IDO2: variants seen among roughly 807,000 people sequenced by gnomAD.
IDO2 encodes indoleamine 2,3-dioxygenase-like 1 protein.
A neutral mutation model predicts 45.1 loss-of-function variants in IDO2; 46 were observed. The ratio of observed to expected loss-of-function variants is 1.02; its 90% CI spans 0.80 to 1.30. IDO2 has a LOEUF of 1.30. Ranked by LOEUF, IDO2 falls within the 50% of genes most tolerant of loss-of-function variation. The pLI, the probability that IDO2 is intolerant of heterozygous loss-of-function variation, is 0.00. For synonymous variants in IDO2, 218 were observed against 184.9 expected, an observed-to-expected ratio of 1.18 and a Z score of -1.45; for missense variants, 544 against 491.8, an observed-to-expected ratio of 1.11 and a Z score of -1.00.
intron 2 of IDO2, among the ~76,000 whole-genome samples, chr8:39,957,351 C>T (rs1406771403): frequency 6.6e-6 from 1 of 152,092 alleles, no homozygotes; most frequent in African/African-American, 2.4e-5. Context: ...GTAGTTCACA[C>T]CTATAATTCC....
intron 1 of IDO2, among the ~76,000 whole-genome samples, chr8:39,946,807 A>G (rs183924897): frequency 1.3e-5 from 2 of 151,960 alleles, no homozygotes; most frequent in African/African-American, 4.8e-5. Context: ...TTACAGTAGT[A>G]CCCACTTCAT....
chr8:39,963,752 C>T (rs1249108750), intron 3 of IDO2, 49 bp downstream of exon 3: 2 of 1,114,184 alleles, frequency 1.8e-6, no homozygotes, highest in South Asian at 1.4e-5. Flanking sequence ...ATCATCATAC[C>T]ACTTTTCTTT....
intron 2 of IDO2, among the ~76,000 whole-genome samples, chr8:39,956,591 T>C (rs1208184020): frequency 6.6e-6 from 1 of 152,184 alleles, no homozygotes; most frequent in Non-Finnish European, 1.5e-5. Flanking sequence ...ATTAGCAAAA[T>C]TTATTCATAG....
intron 2 of IDO2, among the ~76,000 whole-genome samples, chr8:39,951,026 T>TCAAAACAAAACAAAACAAAA (rs71237202): frequency 0.016 from 2,346 of 147,568 alleles, 25 homozygotes; most frequent in Admixed American, 0.022. Flanking sequence ...GAAACTCGTC[T>TCAAAACAAAACAAAACAAAA]CAAAACAAAA....
intron 8 of IDO2, among the ~76,000 whole-genome samples, chr8:40,003,676 A>C (rs1004852568): frequency 2.0e-5 from 3 of 152,150 alleles, no homozygotes; most frequent in African/African-American, 7.2e-5. Flanking sequence ...ATATTGTTTG[A>C]GTAGCATGCT....
chr8:39,936,822 A>G (rs1807559657), intron 1 of IDO2, among the ~76,000 whole-genome samples: 1 of 152,214 alleles, frequency 6.6e-6, no homozygotes, highest in South Asian at 2.1e-4. Flanking sequence ...TTTGAAACTG[A>G]AATCTATAAT....
At chr8:39,956,865 T>C (rs13248688) in intron 2 of IDO2, among the ~76,000 whole-genome samples, 1 of 151,236 alleles carries the variant, frequency 6.6e-6, no homozygotes, top group South Asian at 2.1e-4. Flanking sequence ...GCCAACATGG[T>C]GACACTGTCT....
intron 3 of IDO2, among the ~76,000 whole-genome samples, chr8:39,972,375 G>A (rs1266704029): frequency 4.6e-5 from 7 of 152,060 alleles, no homozygotes; most frequent in African/African-American, 9.7e-5. Context: ...TTGGGAAGCC[G>A]AGGCAGGCGG....
intron 3 of IDO2, among the ~76,000 whole-genome samples, chr8:39,973,872 G>T (rs1808219026): frequency 6.6e-6 from 1 of 151,844 alleles, no homozygotes; most frequent in Non-Finnish European, 1.5e-5. Flanking sequence ...CTCCCGAGTA[G>T]TTGGTATTAC....
chr8:39,984,178 C>T (rs989410720), intron 5 of IDO2, among the ~76,000 whole-genome samples: 3 of 152,052 alleles, frequency 2.0e-5, no homozygotes, highest in African/African-American at 4.8e-5. Flanking sequence ...GAATGGTAGT[C>T]AAAAATGCAA....
At chr8:39,962,512 T>A (rs1382750755) in intron 2 of IDO2, among the ~76,000 whole-genome samples, 1 of 152,206 alleles carries the variant, frequency 6.6e-6, no homozygotes, top group Non-Finnish European at 1.5e-5. Flanking sequence ...TTCATCATCC[T>A]TTTGATGCAG....
intron 4 of IDO2, among the ~76,000 whole-genome samples, chr8:39,982,333 G>A (rs530693226): frequency 6.6e-6 from 1 of 151,558 alleles, no homozygotes; most frequent in Non-Finnish European, 1.5e-5. Context: ...TCGGGCCCCA[G>A]TTTATGTTTA....
chr8:39,947,171 CAAAA>C (rs55785952), intron 1 of IDO2, among the ~76,000 whole-genome samples: 2 of 80,034 alleles, frequency 2.5e-5, no homozygotes, highest in Non-Finnish European at 4.5e-5. Flanking sequence ...GCTAAGGTAT[CAAAA>C]AAAAAAAAAA....
chr8:39,985,578 T>TA, intron 6 of IDO2, 56 bp downstream of exon 6: 1 of 1,422,092 alleles, frequency 7.0e-7, no homozygotes, highest in Non-Finnish European at 9.7e-7. Flanking sequence ...TTTAAAATCT[T>TA]ACAATAAAAC....
intron 8 of IDO2, among the ~76,000 whole-genome samples, chr8:40,003,547 T>G (rs2543080): frequency 0.82 from 124,798 of 151,912 alleles, 51,653 homozygotes; most frequent in East Asian, 0.92. Context: ...CCTGTTCATT[T>G]CCAGTTTCAA....
chr8:39,944,772 TA>T (rs1425721440), intron 1 of IDO2, among the ~76,000 whole-genome samples: 1 of 152,198 alleles, frequency 6.6e-6, no homozygotes, highest in African/African-American at 2.4e-5. Context: ...CTCCCCTTTC[TA>T]AACCAAAGTA....
chr8:40,001,523 C>T (rs1426973026), intron 8 of IDO2, among the ~76,000 whole-genome samples: 1 of 150,810 alleles, frequency 6.6e-6, no homozygotes, highest in East Asian at 2.0e-4. Context: ...GCTGGGATTA[C>T]AGGAGTGAGC....
chr8:39,942,496 C>T (rs1477571603), intron 1 of IDO2, among the ~76,000 whole-genome samples: 1 of 152,040 alleles, frequency 6.6e-6, no homozygotes, highest in Non-Finnish European at 1.5e-5. Context: ...CCACAATTAC[C>T]CAGCGTGGTG....
chr8:39,990,247 G>A (rs370284707), intron 8 of IDO2, among the ~76,000 whole-genome samples: 7 of 152,284 alleles, frequency 4.6e-5, no homozygotes, highest in South Asian at 2.1e-4. Context: ...CCCTGTGTTG[G>A]TTCCTGAGAT....
Sources: allele counts gnomAD v4.1 joint callset (sites outside exome capture counted in the v4.1 genomes callset), GRCh38; gene constraint gnomAD v4.1.1; transcripts MANE v1.5; gene names NCBI Gene and HGNC (gene_info 2026-07-23, HGNC 2026-07-21).